DOCK7: variants seen among roughly 807,000 people sequenced by gnomAD.
DOCK7 encodes the protein dedicator of cytokinesis protein 7.
In DOCK7, 138 loss-of-function variants were observed where a neutral mutation model predicts 271.0. That is an observed-to-expected ratio of 0.51 (90% confidence interval 0.44 to 0.59). DOCK7 has a LOEUF of 0.59. DOCK7 is among the 20% of genes least tolerant of loss of function. The pLI is 0.00. For missense variants in DOCK7, 2,066 were observed against 2,592.4 expected, an observed-to-expected ratio of 0.80 and a Z score of 4.41; for synonymous variants, 823 against 876.1, an observed-to-expected ratio of 0.94 and a Z score of 1.07.
At chr1:62,498,904 C>T (rs1459071697) in intron 37 of DOCK7, among the ~76,000 whole-genome samples, 1 of 151,950 alleles carries the variant, frequency 6.6e-6, no homozygotes, top group Non-Finnish European at 1.5e-5. Flanking sequence ...TGGGTTCAAG[C>T]AATTCTCCTG....
chr1:62,567,759 T>C (rs1646570795), intron 18 of DOCK7, among the ~76,000 whole-genome samples: 1 of 151,408 alleles, frequency 6.6e-6, no homozygotes. Context: ...TTCTGAAACA[T>C]TTTTGAAAAA....
chr1:62,455,483 T>C, intron 49 of DOCK7, 27 bp from the exon 50 acceptor site: 1 of 1,609,406 alleles, frequency 6.2e-7, no homozygotes, highest in Non-Finnish European at 8.5e-7. Flanking sequence ...AGGACATAGT[T>C]AGTTAAAGAG....
intron 34 of DOCK7, among the ~76,000 whole-genome samples, chr1:62,510,027 A>G (rs1204313726): frequency 6.6e-6 from 1 of 152,156 alleles, no homozygotes; most frequent in Non-Finnish European, 1.5e-5. Flanking sequence ...AATTCTCAAG[A>G]AAAAAATTTT....
At chr1:62,589,904 A>G (rs1185382417) in intron 14 of DOCK7, among the ~76,000 whole-genome samples, 2 of 149,944 alleles carry the variant, frequency 1.3e-5, no homozygotes, top group Admixed American at 6.6e-5. Flanking sequence ...AAAAAAAAGT[A>G]TATCATTTAA....
chr1:62,534,669 T>C (rs879932059), intron 29 of DOCK7, among the ~76,000 whole-genome samples: 1 of 152,120 alleles, frequency 6.6e-6, no homozygotes, highest in Admixed American at 6.5e-5. Flanking sequence ...TCAGACAATA[T>C]ACTTTTCTAA....
intron 14 of DOCK7, among the ~76,000 whole-genome samples, chr1:62,591,880 A>G (rs1203543980): frequency 1.3e-5 from 2 of 152,212 alleles, no homozygotes; most frequent in African/African-American, 4.8e-5. Flanking sequence ...CAGCCAAAAT[A>G]CATGAGGGCA....
chr1:62,658,961 A>G (rs1254296281), intron 2 of DOCK7, among the ~76,000 whole-genome samples: 1 of 141,692 alleles, frequency 7.1e-6, no homozygotes, highest in African/African-American at 2.6e-5. Flanking sequence ...CTCAAAAGAG[A>G]AAAAAAAAAA....
At chr1:62,538,685 T>C (rs1026993121) in intron 27 of DOCK7, among the ~76,000 whole-genome samples, 1 of 152,162 alleles carries the variant, frequency 6.6e-6, no homozygotes, top group African/African-American at 2.4e-5. Context: ...AACTTTTCTA[T>C]TAGAAGAAAT....
chr1:62,651,449 T>TAAAAAAAA (rs71045850), intron 4 of DOCK7, among the ~76,000 whole-genome samples: 7 of 130,122 alleles, frequency 5.4e-5, no homozygotes, highest in East Asian at 2.2e-4. Context: ...TAAAGTATAA[T>TAAAAAAAA]AAAAAAAAAA....
chr1:62,687,406 C>T (rs186145962), intron 1 of DOCK7, among the ~76,000 whole-genome samples: 4 of 152,304 alleles, frequency 2.6e-5, no homozygotes, highest in Admixed American at 1.3e-4. Flanking sequence ...ACTGCAATCA[C>T]TTGCTTTACT....
At chr1:62,481,671 C>T (rs1013181408) in intron 43 of DOCK7, 5 of 152,168 alleles carry the variant, frequency 3.3e-5, no homozygotes, top group African/African-American at 4.8e-5. Flanking sequence ...TCTTCCTTAG[C>T]GATTCTACTT....
chr1:62,598,133 C>A, intron 14 of DOCK7: 1 of 1,368,936 alleles, frequency 7.3e-7, no homozygotes, highest in South Asian at 1.6e-5. Context: ...ATTTCTAAGG[C>A]ATGCCATTTG....
chr1:62,598,746 G>T (rs777827120), intron 14 of DOCK7: 2 of 1,611,266 alleles, frequency 1.2e-6, no homozygotes, highest in African/African-American at 2.7e-5. Flanking sequence ...TCCAGACCGT[G>T]GAAGACCAAT....
chr1:62,576,780 C>A (rs1047141540), intron 18 of DOCK7, among the ~76,000 whole-genome samples: 1 of 152,162 alleles, frequency 6.6e-6, no homozygotes, highest in Non-Finnish European at 1.5e-5. Flanking sequence ...ATGTAATCAT[C>A]AAAGTTGCCA....
In DOCK7 at chr1:62,510,677, T is replaced by A; in HGVS notation, c.4283-4A>T. ...GCACTTCCAGATGGGCTTCTCTCTG[T>A]CAAATAAATTTCAAAACCAATTTTC... is the stretch of plus-strand genomic sequence containing the variant. On this transcript the variant is annotated splice_polypyrimidine_tract_variant and splice_region_variant and intron_variant, in intron 33 of 49. Coordinates refer to ENST00000635253, the MANE Select transcript of DOCK7 (RefSeq NM_001367561.1). 1 of 1,610,854 alleles carries A rather than the reference T, an allele frequency of 6.2e-7. No homozygotes were observed. Among genetic ancestry groups the A allele is most frequent in the South Asian group, 1.1e-5 (1 of 90,558 alleles).
At chr1:62,671,783 T>C (rs185416397) in intron 1 of DOCK7, among the ~76,000 whole-genome samples, 2 of 152,242 alleles carry the variant, frequency 1.3e-5, no homozygotes, top group East Asian at 3.8e-4. Flanking sequence ...TCCTATTCTG[T>C]ATGAAACTTT....
At chr1:62,579,691 G>C (rs1299055205) in intron 16 of DOCK7, among the ~76,000 whole-genome samples, 1 of 85,154 alleles carries the variant, frequency 1.2e-5, no homozygotes, top group Non-Finnish European at 2.1e-5. Flanking sequence ...GACAGAGTGA[G>C]ACCGAAAAAA....
At position 62,555,805 on chromosome 1, in the gene DOCK7, T is replaced by A; in HGVS notation, c.2596+20A>T. ...ATATAATTTATGAAAGACAGCTTCA[T>A]AGTAAAAAGAATAAAATACCTGGTG... On this transcript the variant is annotated intron_variant, in intron 21 of 49. Coordinates refer to ENST00000635253, the MANE Select transcript of DOCK7 (RefSeq NM_001367561.1). 6.3e-7 allele frequency: 1 copy of A among 1,598,270 alleles called. No homozygotes were observed. Among genetic ancestry groups the A allele is most frequent in the East Asian group, 2.2e-5 (1 of 44,650 alleles).
chr1:62,559,329 AG>A (rs1394725117), intron 19 of DOCK7, 109 bp from the exon 20 acceptor site: 8 of 701,544 alleles, frequency 1.1e-5, no homozygotes, highest in Non-Finnish European at 1.8e-5. Context: ...AACACTAAAA[AG>A]TTCAAGTAGG....
Sources: gnomAD v4.1 joint callset for allele counts (sites outside exome capture counted in the v4.1 genomes callset) on GRCh38, gnomAD v4.1.1 for gene constraint, MANE v1.5 for transcripts, NCBI Gene and HGNC (gene_info 2026-07-23, HGNC 2026-07-21) for gene names.